The following CTNNB1 variants were observed in gnomAD, a reference collection of about 807,000 sequenced individuals.
CTNNB1 encodes the protein catenin beta 1.
In CTNNB1, 6 loss-of-function variants were observed where a neutral mutation model predicts 82.5. The observed-to-expected ratio is 0.07, with a 90% CI of 0.04 to 0.14. The LOEUF (loss-of-function observed/expected upper bound fraction) is 0.14, where lower values mean the gene tolerates loss of function less well. Ranked by LOEUF, CTNNB1 falls within the 10% of genes least tolerant of loss-of-function variation. The pLI is 1.00. For synonymous variants in CTNNB1, 312 were observed against 329.7 expected (o/e 0.95, Z 0.58); for missense variants, 529 against 980.4 (o/e 0.54, Z 6.15).
chr3:41,240,016 T>TAAC lies in CTNNB1; in HGVS notation c.*675_*677dup, dbSNP rs2078542042. Reference sequence around the variant, plus strand: ...TTTTTTTTTTTTTTTTTTTTTGCAGTAACTGTTTTTTAAGTCTCTCGTAGT... The same window carrying TAAC: ...TTTTTTTTTTTTTTTTTTTTTGCAGTAACAACTGTTTTTTAAGTCTCTCGTAGT... On this transcript the variant is annotated 3_prime_UTR_variant, in exon 15 of 15. Coordinates refer to ENST00000349496, the MANE Select transcript of CTNNB1 (RefSeq NM_001904.4). 6.5e-6 allele frequency: 1 copy of TAAC among 152,900 alleles called. No individual in the cohort carries two copies. Among genetic ancestry groups the TAAC allele is most frequent in the African/African-American group, 3.0e-5 (1 of 32,898 alleles). The allele number at this position is 152,900 out of a possible 1,614,324, so 9.5% of individuals were successfully genotyped here. A position where few individuals can be genotyped will look rare whatever the true frequency, so the allele number is the denominator to read the frequency against.
chr3:41,226,726 A>T (rs2078184651), intron 6 of CTNNB1, among the ~76,000 whole-genome samples: 1 of 152,138 alleles, frequency 6.6e-6, no homozygotes, highest in Non-Finnish European at 1.5e-5. Context: ...GTTGAAAGGG[A>T]AGATATACAG....
At position 41,204,524 on chromosome 3, in the gene CTNNB1, T is replaced by C. The variant is rs570851319; in HGVS notation, c.-49+4854T>C. 4.7e-4 allele frequency among the ~76,000 whole-genome samples: 71 copies of C among 152,294 alleles called. 1 individual carries two copies. Among genetic ancestry groups the C allele is most frequent in the Non-Finnish European group, 9.1e-4 (62 of 68,022 alleles). ...AAATGTCTCCAGGGCCAGTTAGGTA[T>C]TGGGTAAATGGGACCATGCAGACTA... On this transcript the variant is annotated intron_variant, in intron 1 of 14. Coordinates refer to ENST00000349496, the MANE Select transcript of CTNNB1 (RefSeq NM_001904.4).
chr3:41,238,220 C>A, intron 14 of CTNNB1, 144 bp downstream of exon 14: 1 of 742,802 alleles, frequency 1.3e-6, no homozygotes. Flanking sequence ...AAATTCCAGT[C>A]AGCAACAGTA....
rs1334531228 is a variant in CTNNB1 at position 41,235,710 on chromosome 3, G to A, written c.1684-14G>A. 3 of 1,613,970 alleles carry A rather than the reference G, an allele frequency of 1.9e-6. No individual in the cohort carries two copies. The highest frequency in any genetic ancestry group is 3.3e-5 in the Admixed American group (2 of 59,988). Reference sequence around the variant, plus strand: ...GGAGAATGCCCTGTTTGTTAACCATGTTTCTTTTGGCAGGAGGGGGTCCGC... The same window carrying A: ...GGAGAATGCCCTGTTTGTTAACCATATTTCTTTTGGCAGGAGGGGGTCCGC... On this transcript the variant is annotated splice_polypyrimidine_tract_variant and intron_variant, in intron 10 of 14. Coordinates refer to ENST00000349496, the MANE Select transcript of CTNNB1 (RefSeq NM_001904.4).
chr3:41,234,686 G>T, intron 10 of CTNNB1: 1 of 217,392 alleles, frequency 4.6e-6, no homozygotes. Flanking sequence ...ATATTTAGCA[G>T]TCCGTTTTAT....
chr3:41,236,521 C>G (rs371603723), intron 12 of CTNNB1, 22 bp downstream of exon 12: 1 of 1,614,188 alleles, frequency 6.2e-7, no homozygotes, highest in Non-Finnish European at 8.5e-7. Context: ...GGAACCAAAG[C>G]CTTTAGCAGA....
At chr3:41,229,575 TG>T (rs750567474) in intron 7 of CTNNB1, among the ~76,000 whole-genome samples, 1 of 152,156 alleles carries the variant, frequency 6.6e-6, no homozygotes, top group Non-Finnish European at 1.5e-5. Context: ...GAAACTTTGC[TG>T]AAGTTTATTG....
chr3:41,227,066 T>G, intron 6 of CTNNB1, 142 bp from the exon 7 acceptor site: 1 of 705,530 alleles, frequency 1.4e-6, no homozygotes, highest in Non-Finnish European at 2.4e-6. Flanking sequence ...GGGGTCTGAG[T>G]GATGGGGTCC....
chr3:41,212,654 C>T (rs889748828), intron 1 of CTNNB1, among the ~76,000 whole-genome samples: 3 of 152,122 alleles, frequency 2.0e-5, no homozygotes, highest in Admixed American at 2.0e-4. Context: ...AACCAGCTAC[C>T]CATGCCTATT....
At chr3:41,207,271 G>A (rs187604935) in intron 1 of CTNNB1, among the ~76,000 whole-genome samples, 1 of 152,256 alleles carries the variant, frequency 6.6e-6, no homozygotes, top group Admixed American at 6.5e-5. Context: ...GCTGATAAGT[G>A]GGTGCTGGGA....
chr3:41,232,907 T>C (rs2078343718), intron 7 of CTNNB1, among the ~76,000 whole-genome samples: 1 of 152,152 alleles, frequency 6.6e-6, no homozygotes, highest in South Asian at 2.1e-4. Flanking sequence ...TTTTAGTTTA[T>C]TGTATATTTT....
At chr3:41,201,513 T>C (rs185378291) in intron 1 of CTNNB1, among the ~76,000 whole-genome samples, 53 of 152,268 alleles carry the variant, frequency 3.5e-4, no homozygotes, top group Middle Eastern at 3.4e-3. Flanking sequence ...TGAAAAACTT[T>C]CAGAAGTCTA....
chr3:41,232,023 T>C (rs1026726964), intron 7 of CTNNB1, among the ~76,000 whole-genome samples: 2 of 152,182 alleles, frequency 1.3e-5, no homozygotes, highest in African/African-American at 2.4e-5. Context: ...AAATGTATGA[T>C]ACTAGAATGC....
At chr3:41,199,981 CTG>C (rs1208015590) in intron 1 of CTNNB1, 1 of 136,122 alleles carries the variant, frequency 7.3e-6, no homozygotes, top group East Asian at 2.5e-4. Context: ...GGGTGGGGGT[CTG>C]TGGTTTCCGT....
intron 10 of CTNNB1, chr3:41,235,501 T>C (rs1195408286): frequency 1.0e-5 from 6 of 586,792 alleles, no homozygotes; most frequent in Admixed American, 8.6e-5. Flanking sequence ...GTATGGAAGC[T>C]CTGTTGCACT....
At chr3:41,238,177 G>A in intron 14 of CTNNB1, 101 bp downstream of exon 14, 1 of 990,440 alleles carries the variant, frequency 1.0e-6, no homozygotes, top group Non-Finnish European at 1.6e-6. Flanking sequence ...AGTGTTGGCA[G>A]AAAAGTAGTG....
intron 1 of CTNNB1, among the ~76,000 whole-genome samples, chr3:41,213,040 G>C (rs561165006): frequency 6.6e-6 from 1 of 152,134 alleles, no homozygotes; most frequent in Non-Finnish European, 1.5e-5. Flanking sequence ...ATAAGATTGT[G>C]TTATTCACCT....
At chr3:41,235,995 CATT>C in intron 11 of CTNNB1, 152 bp downstream of exon 11, 1 of 961,104 alleles carries the variant, frequency 1.0e-6, no homozygotes, top group African/African-American at 1.6e-5. Context: ...GTAAGAGAAA[CATT>C]GAGACTTGAG....
chr3:41,219,975 A>G (rs575567347), intron 1 of CTNNB1, among the ~76,000 whole-genome samples: 90 of 152,330 alleles, frequency 5.9e-4, no homozygotes, highest in African/African-American at 2.1e-3. Context: ...AAGGAATTTT[A>G]TATTTTTATT....
Sources: gnomAD v4.1 joint callset for allele counts (sites outside exome capture counted in the v4.1 genomes callset) on GRCh38, gnomAD v4.1.1 for gene constraint, MANE v1.5 for transcripts, NCBI Gene and HGNC (gene_info 2026-07-23, HGNC 2026-07-21) for gene names.